PTPN9: variants seen among roughly 807,000 people sequenced by gnomAD.
The protein encoded by PTPN9 is tyrosine-protein phosphatase non-receptor type 9.
In PTPN9, 26 loss-of-function variants were observed where a neutral mutation model predicts 69.8. That is an observed-to-expected ratio of 0.37 (90% CI 0.27 to 0.52). PTPN9 has a LOEUF of 0.52. Ranked by LOEUF, PTPN9 falls within the 20% of genes least tolerant of loss-of-function variation. PTPN9 has a pLI of 0.91. For synonymous variants in PTPN9, 274 were observed against 272.5 expected, an observed-to-expected ratio of 1.01 and a Z score of -0.05; for missense variants, 549 against 740.3, an observed-to-expected ratio of 0.74 and a Z score of 3.00.
intron 1 of PTPN9, among the ~76,000 whole-genome samples, chr15:75,534,575 T>C (rs1353227339): frequency 3.3e-5 from 5 of 150,284 alleles, no homozygotes; most frequent in African/African-American, 1.2e-4. Flanking sequence ...CTCGGGGGGC[T>C]GAGGTGGGAG....
intron 7 of PTPN9, 66 bp from the exon 8 acceptor site, chr15:75,490,367 C>A (rs1352588885): frequency 8.6e-7 from 1 of 1,167,048 alleles, no homozygotes; most frequent in African/African-American, 1.5e-5. Flanking sequence ...TGTACAAAAT[C>A]TGACCATGCT....
chr15:75,476,043 G>A (rs1243184719), intron 9 of PTPN9, among the ~76,000 whole-genome samples: 1 of 152,154 alleles, frequency 6.6e-6, no homozygotes, highest in African/African-American at 2.4e-5. Context: ...GGAGACTGAG[G>A]TGAGAGGATC....
intron 5 of PTPN9, 118 bp downstream of exon 5, chr15:75,517,141 T>C: frequency 1.4e-6 from 1 of 690,724 alleles, no homozygotes; most frequent in East Asian, 2.8e-5. Context: ...CAGATGACCT[T>C]TACATTGAAC....
chr15:75,486,099 C>CAAAAAAA (rs571404981), intron 8 of PTPN9, among the ~76,000 whole-genome samples: 6 of 86,982 alleles, frequency 6.9e-5, no homozygotes, highest in Admixed American at 1.4e-4. Context: ...GACTCCAACT[C>CAAAAAAA]AAAAAAAAAA....
intron 1 of PTPN9, among the ~76,000 whole-genome samples, chr15:75,559,101 C>T (rs2075091409): frequency 1.3e-5 from 2 of 151,864 alleles, no homozygotes; most frequent in East Asian, 3.9e-4. Context: ...TCTGCCCAGC[C>T]GCCCATCGTC....
intron 1 of PTPN9, among the ~76,000 whole-genome samples, chr15:75,569,121 C>T (rs1019582495): frequency 3.3e-5 from 5 of 151,952 alleles, no homozygotes; most frequent in South Asian, 2.1e-4. Flanking sequence ...AAAGAAAGTA[C>T]GAGAATTGTC....
chr15:75,469,018 C>T (rs1277553636), intron 12 of PTPN9, 35 bp from the exon 13 acceptor site: 2 of 1,539,434 alleles, frequency 1.3e-6, no homozygotes, highest in South Asian at 1.1e-5. Flanking sequence ...ATCTGGTTTA[C>T]CTCTCTTCTC....
Position 75,505,655 on chromosome 15 carries a change from C to A in PTPN9, c.968+20G>T. 6.3e-7 allele frequency: 1 copy of A among 1,595,192 alleles called. No homozygotes were observed. The highest frequency in any genetic ancestry group is 1.7e-5 in the Admixed American group (1 of 59,170). On this transcript the variant is annotated intron_variant, in intron 7 of 12. Transcript: ENST00000618819. ...AAGCATCCTGGTAACCAGCTGCTGG[C>A]CCAAACTTTTTCTACTTACATGGAA...
At chr15:75,561,776 C>A (rs757489379) in intron 1 of PTPN9, among the ~76,000 whole-genome samples, 3 of 152,098 alleles carry the variant, frequency 2.0e-5, no homozygotes, top group Non-Finnish European at 2.9e-5. Flanking sequence ...ATGACACGAT[C>A]TCGGCTCACC....
At chr15:75,470,421 G>C (rs1349603093) in intron 11 of PTPN9, among the ~76,000 whole-genome samples, 1 of 152,224 alleles carries the variant, frequency 6.6e-6, no homozygotes, top group African/African-American at 2.4e-5. Context: ...CTCCCAGAGT[G>C]CTGGGATTAT....
rs751932813 is a variant in PTPN9 at position 75,577,228 on chromosome 15, G to A, written c.63+1486C>T. Among the ~76,000 whole-genome samples, 12 of 152,102 alleles carry A rather than the reference G, an allele frequency of 7.9e-5. 1 individual carries two copies. Among genetic ancestry groups the A allele is most frequent in the Non-Finnish European group, 1.0e-4 (7 of 68,010 alleles). Reference sequence around the variant, plus strand: ...TGGTTTTAGTTTTCAAATTTGCAACGGATGCTATTTGCATAGAATACTGAT... The same window carrying A: ...TGGTTTTAGTTTTCAAATTTGCAACAGATGCTATTTGCATAGAATACTGAT... On this transcript the variant is annotated intron_variant, in intron 1 of 12. Transcript: ENST00000618819.
chr15:75,502,559 A>G (rs1204217017), intron 7 of PTPN9, among the ~76,000 whole-genome samples: 1 of 152,148 alleles, frequency 6.6e-6, no homozygotes, highest in Non-Finnish European at 1.5e-5. Context: ...GTATGTATAT[A>G]TAGTTATCAA....
chr15:75,483,011 C>T (rs564336244), intron 8 of PTPN9, among the ~76,000 whole-genome samples: 7 of 151,992 alleles, frequency 4.6e-5, no homozygotes, highest in African/African-American at 1.2e-4. Context: ...ATCCATACCA[C>T]GAGATACTAA....
In PTPN9 at chr15:75,517,306, C is replaced by A. The variant is rs1169904099; in HGVS notation, c.481G>T (p.Ala161Ser). The change falls in exon 5 of 13, where the codon GCC (alanine) becomes TCC (serine). Residue 161 changes from alanine to serine, a missense_variant. Physicochemically the swap from Ala to Ser is moderately conservative, Grantham distance 99. Transcript: ENST00000618819. ...TTGCCAAGATCCAGCTCAAAGTTGG[C>A]ATAATTAGAACCACACATGTCATAG... ...FIYDMCGSNY[A>S]NFELDLGKKV... 6.2e-7 allele frequency: 1 copy of A among 1,613,998 alleles called. No individual in the cohort carries two copies. Among genetic ancestry groups the A allele is most frequent in the East Asian group, 2.2e-5 (1 of 44,858 alleles).
Position 75,527,260 on chromosome 15 carries a change from G to A in PTPN9, c.65C>T (p.Ala22Val), listed in dbSNP as rs369859591. Residue 22 changes from alanine (A) to valine (V), a missense_variant and splice_region_variant, in exon 2 of 13, where the codon GCT (alanine) becomes GTT (valine). This residue lies in a region of PTPN9 where 62 missense variants were observed against 53.6 expected (regional missense o/e 1.16). Coordinates refer to ENST00000618819, the MANE Select transcript of PTPN9 (RefSeq NM_002833.4). ...AATCTCTTCGAGAAACTGCTTGGTA[G>A]CCTGTTTGACAAAGAAAGAAAGAAT... ...APELTPEEEQ[A>V]TKQFLEEINK... 5 of 1,613,800 alleles carry A rather than the reference G, an allele frequency of 3.1e-6. No individual in the cohort carries two copies. The South Asian group carries it at 5.5e-5, about 18-fold the overall frequency.
At position 75,524,208 on chromosome 15, in the gene PTPN9, C is replaced by T. The variant is rs2074917618; in HGVS notation, c.297+1G>A. ...TACAAGATAGGTCCCTAAACACTCA[C>T]TAAGATGGTGAATTTTCCACTGAGG... On this transcript the variant is annotated splice_donor_variant, in intron 3 of 12. Coordinates refer to ENST00000618819, the MANE Select transcript of PTPN9 (RefSeq NM_002833.4). LOFTEE classifies it high-confidence loss of function. The T allele has an allele frequency of 6.3e-7, 1 of 1,593,592 alleles. No individual in the cohort carries two copies. Among genetic ancestry groups the T allele is most frequent in the Non-Finnish European group, 8.6e-7 (1 of 1,163,246 alleles).
chr15:75,480,218 AT>A (rs1218065275), intron 8 of PTPN9, among the ~76,000 whole-genome samples: 1 of 152,192 alleles, frequency 6.6e-6, no homozygotes, highest in African/African-American at 2.4e-5. Flanking sequence ...ATAAGAGTAA[AT>A]CTTTGTGACC....
intron 4 of PTPN9, among the ~76,000 whole-genome samples, chr15:75,520,451 T>TAGAC (rs1595959728): frequency 7.5e-6 from 1 of 134,042 alleles, no homozygotes; most frequent in Non-Finnish European, 1.6e-5. Context: ...GATAGATAGA[T>TAGAC]AGATAGATAG....
rs779323296 is a variant in PTPN9 at position 75,468,828 on chromosome 15, C to G, written c.1723G>C (p.Ala575Pro). 10 of 1,614,032 alleles carry G rather than the reference C, an allele frequency of 6.2e-6. No homozygotes were observed. The highest frequency in any genetic ancestry group is 3.4e-6 in the Non-Finnish European group (4 of 1,180,012). The change falls in exon 13 of 13, where the codon GCA becomes CCA. Residue 575 changes from alanine to proline, a missense_variant. Transcript: ENST00000618819. ...YFCYKAILEFAEKEGMVSSGQ... is the reference protein window; with the variant it reads ...YFCYKAILEFPEKEGMVSSGQ... ...GAGGATACCATGCCCTCCTTCTCTG[C>G]GAACTCCAGGATGGCCTTGTAGCAA...
Sources: allele counts gnomAD v4.1 joint callset (sites outside exome capture counted in the v4.1 genomes callset), GRCh38; gene constraint gnomAD v4.1.1; regional missense constraint gnomAD v4.1.1; transcripts MANE v1.5; gene names NCBI Gene and HGNC (gene_info 2026-07-23, HGNC 2026-07-21).